The following HDAC9 variants were observed in gnomAD, a reference collection of about 807,000 sequenced individuals.
HDAC9 encodes the protein histone deacetylase 9.
In HDAC9, 41 loss-of-function variants were observed where a neutral mutation model predicts 139.4. That is an observed-to-expected ratio of 0.29 (90% confidence interval 0.23 to 0.38). The LOEUF is 0.38. Among genes scored for constraint, HDAC9 ranks in the 10% least tolerant of loss-of-function variants. The pLI is 1.00. For missense variants in HDAC9, 1,147 were observed against 1,297.0 expected, an observed-to-expected ratio of 0.88 and a Z score of 1.78; for synonymous variants, 517 against 476.2, an observed-to-expected ratio of 1.09 and a Z score of -1.12.
chr7:18,415,058 G>T (rs1008352441), intron 1 of HDAC9, among the ~76,000 whole-genome samples: 1 of 152,136 alleles, frequency 6.6e-6, no homozygotes, highest in African/African-American at 2.4e-5. Flanking sequence ...GAATTTTACA[G>T]ATGAGAAAGC....
At chr7:18,438,759 AGT>A (rs1791467481) in intron 1 of HDAC9, among the ~76,000 whole-genome samples, 1 of 151,954 alleles carries the variant, frequency 6.6e-6, no homozygotes, top group Admixed American at 6.6e-5. Context: ...TATACAGAAA[AGT>A]GTTAATAATT....
At chr7:18,200,052 T>G (rs1281470774) in intron 2 of HDAC9, among the ~76,000 whole-genome samples, 1 of 152,234 alleles carries the variant, frequency 6.6e-6, no homozygotes, top group African/African-American at 2.4e-5. Context: ...ATGACTGATT[T>G]GCTTCTTAGT....
At chr7:18,325,423 G>T (rs1357826048) in intron 1 of HDAC9, 1 of 152,186 alleles carries the variant, frequency 6.6e-6, no homozygotes, top group East Asian at 1.9e-4. Context: ...TACTAGAACA[G>T]CCAGAGTAAA....
intron 14 of HDAC9, among the ~76,000 whole-genome samples, chr7:18,760,001 A>C (rs1789241224): frequency 6.6e-6 from 1 of 152,322 alleles, no homozygotes; most frequent in Middle Eastern, 3.4e-3. Context: ...AAAATCAATG[A>C]AAGTTTATGA....
intron 1 of HDAC9, among the ~76,000 whole-genome samples, chr7:18,432,461 T>C (rs901791551): frequency 6.6e-6 from 1 of 151,610 alleles, no homozygotes; most frequent in Admixed American, 6.6e-5. Context: ...GGAGAAACAT[T>C]AAATAAAAAT....
chr7:18,340,554 C>T (rs571276834), intron 1 of HDAC9, among the ~76,000 whole-genome samples: 1 of 151,506 alleles, frequency 6.6e-6, no homozygotes, highest in African/African-American at 2.4e-5. Flanking sequence ...GTTGTTACTT[C>T]AGGATTTATA....
chr7:18,735,185 T>C (rs1347457757), intron 13 of HDAC9, among the ~76,000 whole-genome samples: 1 of 152,208 alleles, frequency 6.6e-6, no homozygotes, highest in Non-Finnish European at 1.5e-5. Flanking sequence ...ATTCTGTAGG[T>C]TGCCTGTTCA....
intron 13 of HDAC9, among the ~76,000 whole-genome samples, chr7:18,735,401 T>C (rs190584420): frequency 6.6e-6 from 1 of 152,102 alleles, no homozygotes; most frequent in Non-Finnish European, 1.5e-5. Context: ...CCATCCTGAG[T>C]TAATTTTTGT....
upstream of HDAC9, among the ~76,000 whole-genome samples, chr7:18,493,564 T>C (rs1056506553): frequency 6.6e-6 from 1 of 151,934 alleles, no homozygotes; most frequent in Non-Finnish European, 1.5e-5. Context: ...ATTTCAATGA[T>C]TGTTTTTCTT....
At chr7:18,144,600 A>G (rs534822300) in intron 1 of HDAC9, among the ~76,000 whole-genome samples, 6 of 151,870 alleles carry the variant, frequency 4.0e-5, no homozygotes, top group Admixed American at 1.3e-4. Context: ...TGAGACCACC[A>G]TATTTTTTTT....
At chr7:18,392,694 A>T (rs1043475871) in intron 1 of HDAC9, among the ~76,000 whole-genome samples, 3 of 152,112 alleles carry the variant, frequency 2.0e-5, no homozygotes, top group Non-Finnish European at 2.9e-5. Context: ...TTACCTTGTC[A>T]TCAACAAAGT....
chr7:18,463,283 T>A (rs2128111804), intron 1 of HDAC9, among the ~76,000 whole-genome samples: 1 of 152,164 alleles, frequency 6.6e-6, no homozygotes, highest in East Asian at 1.9e-4. Flanking sequence ...CAGTATTTTC[T>A]CTTTTCTGGA....
chr7:18,727,878 AC>A, intron 13 of HDAC9, 121 bp downstream of exon 13: 1 of 744,406 alleles, frequency 1.3e-6, no homozygotes, highest in Admixed American at 4.2e-5. Flanking sequence ...ACCCAGTGCA[AC>A]CCAAATTTTA....
At chr7:18,606,706 C>T (rs773347360) in intron 6 of HDAC9, among the ~76,000 whole-genome samples, 1 of 151,900 alleles carries the variant, frequency 6.6e-6, no homozygotes, top group Non-Finnish European at 1.5e-5. Flanking sequence ...ATATTTTTTT[C>T]TAGATAATAA....
At chr7:18,895,472 G>C (rs549874326) in intron 22 of HDAC9, among the ~76,000 whole-genome samples, 1 of 152,182 alleles carries the variant, frequency 6.6e-6, no homozygotes, top group East Asian at 1.9e-4. Flanking sequence ...GCTTGGAATT[G>C]ATAGTATGAA....
At chr7:18,963,052 T>G (rs1046558529) in intron 24 of HDAC9, among the ~76,000 whole-genome samples, 1 of 152,148 alleles carries the variant, frequency 6.6e-6, no homozygotes, top group Non-Finnish European at 1.5e-5. Context: ...TTCCCAAGTA[T>G]AGACACTATA....
At chr7:18,142,911 C>T (rs1786017142) in intron 1 of HDAC9, among the ~76,000 whole-genome samples, 1 of 152,192 alleles carries the variant, frequency 6.6e-6, no homozygotes, top group African/African-American at 2.4e-5. Flanking sequence ...GAGCCTCCTT[C>T]CTTATAACCT....
intron 1 of HDAC9, among the ~76,000 whole-genome samples, chr7:18,295,669 G>A (rs1039217253): frequency 6.6e-6 from 1 of 152,104 alleles, no homozygotes; most frequent in Non-Finnish European, 1.5e-5. Context: ...TTCTTCTTGT[G>A]TATTCCCAAT....
At chr7:18,730,351 T>C (rs1195199693) in intron 13 of HDAC9, among the ~76,000 whole-genome samples, 1 of 152,218 alleles carries the variant, frequency 6.6e-6, no homozygotes, top group Non-Finnish European at 1.5e-5. Context: ...ATGATCTTGA[T>C]TTCAGATGAG....
Sources: gnomAD v4.1 joint callset for allele counts (sites outside exome capture counted in the v4.1 genomes callset) on GRCh38, gnomAD v4.1.1 for gene constraint, MANE v1.5 for transcripts, NCBI Gene and HGNC (gene_info 2026-07-23, HGNC 2026-07-21) for gene names.